Variants in ANO1 observed in about 807,000 individuals in gnomAD.
ANO1 encodes anoctamin-1.
Under a neutral mutation model 124.0 loss-of-function variants are expected in ANO1, and 59 were observed. The ratio of observed to expected loss-of-function variants is 0.48; its 90% CI spans 0.39 to 0.59. The LOEUF is 0.59. Ranked by LOEUF, ANO1 falls within the 20% of genes least tolerant of loss-of-function variation. The probability of loss-of-function intolerance (pLI) is 0.00; values close to 1 mark genes in which losing one functional copy is unlikely to be tolerated. For synonymous variants in ANO1, 529 were observed against 532.0 expected (o/e 0.99, Z 0.08); for missense variants, 1,059 against 1,328.0 (o/e 0.80, Z 3.15).
intron 11 of ANO1, 148 bp downstream of exon 11, chr11:70,132,227 T>C (rs931689246): frequency 9.0e-5 from 100 of 1,113,904 alleles, no homozygotes; most frequent in Non-Finnish European, 1.2e-4. Context: ...AAACGACCCC[T>C]GTTTTGTGTT....
In ANO1 at chr11:69,997,853, C is replaced by A. The variant is rs185939676; in HGVS notation, c.58+11687C>A. On this transcript the variant is annotated intron_variant, in intron 1 of 27. Transcript: ENST00000531349. Reference sequence around the variant, plus strand: ...CGTCTGCTCCCCCTTTGCCTTCCGCCGTGAGTAAAAGCTCCCTGAGGCCTC... The same window carrying A: ...CGTCTGCTCCCCCTTTGCCTTCCGCAGTGAGTAAAAGCTCCCTGAGGCCTC... 3.0e-3 allele frequency among the ~76,000 whole-genome samples: 459 copies of A among 152,278 alleles called. 5 individuals carry two copies. Among genetic ancestry groups the A allele is most frequent in the African/African-American group, 0.011 (437 of 41,564 alleles).
At chr11:70,156,868 C>A in intron 15 of ANO1, 79 bp from the exon 16 acceptor site, 6 of 1,320,408 alleles carry the variant, frequency 4.5e-6, no homozygotes, top group Non-Finnish European at 6.5e-6. Flanking sequence ...TGCACGCACG[C>A]ACATGCACCC....
At chr11:69,985,051 T>C (rs1167771957), upstream of ANO1, among the ~76,000 whole-genome samples, 1 of 152,200 alleles carries the variant, frequency 6.6e-6, no homozygotes, top group Non-Finnish European at 1.5e-5. Flanking sequence ...CTGCTGTCTC[T>C]GAGGATGCTG....
chr11:70,071,518 C>A (rs1192969535), intron 1 of ANO1, among the ~76,000 whole-genome samples: 3 of 152,154 alleles, frequency 2.0e-5, no homozygotes, highest in African/African-American at 7.2e-5. Flanking sequence ...GCCCTAGAAA[C>A]GTGGCTTTTC....
intron 2 of ANO1, among the ~76,000 whole-genome samples, chr11:70,100,188 C>G (rs1007408979): frequency 6.6e-6 from 1 of 152,170 alleles, no homozygotes; most frequent in African/African-American, 2.4e-5. Context: ...TGGGACAGGC[C>G]CCTGCACAAA....
At chr11:69,967,411 A>AG in the ANO1 span, among the ~76,000 whole-genome samples, 1 of 152,200 alleles carries the variant, frequency 6.6e-6, no homozygotes, top group Non-Finnish European at 1.5e-5. Flanking sequence ...ATCAGGTCCT[A>AG]GGAGGTTGGT....
At chr11:70,021,411 C>A (rs1856806056) in intron 1 of ANO1, among the ~76,000 whole-genome samples, 1 of 151,428 alleles carries the variant, frequency 6.6e-6, no homozygotes, top group African/African-American at 2.4e-5. Flanking sequence ...CCTTCTTTTT[C>A]TTTGTAAAGC....
chr11:70,111,935 AG>A (rs1179457245), intron 7 of ANO1, among the ~76,000 whole-genome samples, 173 bp downstream of exon 7: 2 of 152,122 alleles, frequency 1.3e-5, no homozygotes, highest in African/African-American at 4.8e-5. Context: ...GGGGCCAAGA[AG>A]TTACACACAG....
chr11:70,139,028 T>C (rs912391611), intron 11 of ANO1, among the ~76,000 whole-genome samples: 8 of 152,214 alleles, frequency 5.3e-5, no homozygotes, highest in Non-Finnish European at 1.2e-4. Context: ...TGAGAACATG[T>C]GGCATTTGGT....
In ANO1 at chr11:70,012,412, A is replaced by G. The variant is rs182097953; in HGVS notation, c.58+26246A>G. Among the ~76,000 whole-genome samples the G allele has an allele frequency of 3.3e-4, 50 of 150,790 alleles. 1 individual carries two copies. Among genetic ancestry groups the G allele is most frequent in the Admixed American group, 3.0e-3 (46 of 15,168 alleles). On this transcript the variant is annotated intron_variant, in intron 1 of 27. Transcript: ENST00000531349. ...CTTTCCTTCATCCATTCATCCATCC[A>G]TCCACCCATTACTCCATCCATCTAT...
chr11:69,992,183 A>G (rs1232635574), intron 1 of ANO1, among the ~76,000 whole-genome samples: 1 of 151,690 alleles, frequency 6.6e-6, no homozygotes, highest in African/African-American at 2.4e-5. Context: ...TGATGGATGG[A>G]TAGTAGGTGA....
intron 11 of ANO1, among the ~76,000 whole-genome samples, chr11:70,134,435 C>T (rs1340198241): frequency 6.6e-6 from 1 of 152,192 alleles, no homozygotes; most frequent in Admixed American, 6.5e-5. Flanking sequence ...TGCCAGTTCC[C>T]ACCTCACTGC....
chr11:70,071,577 A>T (rs1857874824), intron 1 of ANO1, among the ~76,000 whole-genome samples: 2 of 152,084 alleles, frequency 1.3e-5, no homozygotes, highest in African/African-American at 4.8e-5. Context: ...GATTTCAAAT[A>T]TGTAGTTGGA....
At chr11:70,059,950 C>CTTTTTTTTTTTTTTTTT in intron 1 of ANO1, among the ~76,000 whole-genome samples, 1 of 75,540 alleles carries the variant, frequency 1.3e-5, no homozygotes, top group Non-Finnish European at 2.4e-5. Context: ...AGGCGTTGGC[C>CTTTTTTTTTTTTTTTTT]TTTTTTTTTT....
chr11:70,010,134 GGTGTGTGTGT>G lies in ANO1; in HGVS notation c.58+23990_58+23999del, dbSNP rs34598701. ...TTTTTATGGCGGAGTAGTATTCCAT[GGTGTGTGTGT>G]GTGTGTGTGTGTGTGTGTGTGCGCG... is the stretch of plus-strand genomic sequence containing the variant. On this transcript the variant is annotated intron_variant, in intron 1 of 27. Transcript: ENST00000531349. 7.3e-3 allele frequency among the ~76,000 whole-genome samples: 595 copies of G among 81,640 alleles called. 18 individuals are homozygous for G. The highest frequency in any genetic ancestry group is 0.028 in the African/African-American group (563 of 20,266). 53.6% of individuals were successfully genotyped at this position (81,640 alleles called of 152,430 possible).
chr11:70,124,561 C>G (rs1278098544), intron 9 of ANO1, 147 bp downstream of exon 9: 2 of 756,122 alleles, frequency 2.6e-6, no homozygotes, highest in East Asian at 2.7e-5. Context: ...CCCAAAATGT[C>G]CCTGCAGGGC....
chr11:69,997,565 T>C lies in ANO1; in HGVS notation c.58+11399T>C, dbSNP rs543866506. Among the ~76,000 whole-genome samples, 28 of 152,222 alleles carry C rather than the reference T, an allele frequency of 1.8e-4. No homozygotes were observed. The South Asian group carries it at 4.4e-3, about 24-fold the overall frequency. On this transcript the variant is annotated intron_variant, in intron 1 of 27. Transcript: ENST00000531349. Reference sequence around the variant, plus strand: ...CCGTCCCAACGGCAGCCACAGGGCCTTTGCACAAGCATTCTCCTCTGATAT... The same window carrying C: ...CCGTCCCAACGGCAGCCACAGGGCCCTTGCACAAGCATTCTCCTCTGATAT...
At chr11:69,980,682 C>G in the ANO1 span, among the ~76,000 whole-genome samples, 1 of 151,868 alleles carries the variant, frequency 6.6e-6, no homozygotes, top group Non-Finnish European at 1.5e-5. Flanking sequence ...TGTGAGTGGT[C>G]TTAATGCCAC....
chr11:70,140,117 C>T (rs1013802778), intron 11 of ANO1, among the ~76,000 whole-genome samples: 10 of 152,196 alleles, frequency 6.6e-5, no homozygotes, highest in Non-Finnish European at 1.2e-4. Flanking sequence ...CTGTTGAAGA[C>T]GCTAAAGTGT....
Sources: gnomAD v4.1 joint callset for allele counts (sites outside exome capture counted in the v4.1 genomes callset) on GRCh38, gnomAD v4.1.1 for gene constraint, MANE v1.5 for transcripts, NCBI Gene and HGNC (gene_info 2026-07-23, HGNC 2026-07-21) for gene names.